The following ANK3 variants were observed in gnomAD, a reference collection of about 807,000 sequenced individuals.
ANK3 encodes the protein ankyrin 3, also known as ankyrin-3.
A neutral mutation model predicts 370.9 loss-of-function variants in ANK3; 57 were observed. The ratio of observed to expected loss-of-function variants is 0.15; its 90% confidence interval spans 0.12 to 0.19. ANK3 has a LOEUF of 0.19. Among genes scored for constraint, ANK3 ranks in the 10% least tolerant of loss-of-function variants. The probability of loss-of-function intolerance (pLI) is 1.00; values close to 1 mark genes in which losing one functional copy is unlikely to be tolerated. For synonymous variants in ANK3, 1,929 were observed against 1,946.3 expected (o/e 0.99, Z 0.23); for missense variants, 4,439 against 5,302.1 (o/e 0.84, Z 5.06).
At chr10:60,044,409 A>G (rs2076617536) in intron 42 of ANK3, 3 of 811,626 alleles carry the variant, frequency 3.7e-6, no homozygotes, top group African/African-American at 3.8e-5. Context: ...ACACTACTCC[A>G]AACACCACAC....
chr10:60,483,346 T>C (rs7910492), intron 2 of ANK3, among the ~76,000 whole-genome samples: 78,517 of 151,998 alleles, frequency 0.52, 20,622 homozygotes, highest in Middle Eastern at 0.58. Context: ...AATGAAAATA[T>C]CTAACACTTC....
At chr10:60,573,316 A>G (rs1399531714) in intron 2 of ANK3, among the ~76,000 whole-genome samples, 4 of 152,052 alleles carry the variant, frequency 2.6e-5, no homozygotes, top group Non-Finnish European at 4.4e-5. Flanking sequence ...CCCATACCCA[A>G]TTTGCCATGA....
chr10:60,300,522 G>A (rs553991440), intron 1 of ANK3: 1 of 1,225,096 alleles, frequency 8.2e-7, no homozygotes, highest in Non-Finnish European at 1.0e-6. Context: ...ATGGAGGGTG[G>A]GCGGGGCAGA....
chr10:60,469,300 T>TAC (rs2065120156), intron 2 of ANK3, among the ~76,000 whole-genome samples: 2 of 147,676 alleles, frequency 1.4e-5, no homozygotes, highest in African/African-American at 2.4e-5. Context: ...TATATATATA[T>TAC]ATATATACCA....
At chr10:60,043,106 A>G in intron 42 of ANK3, 1 of 1,032,312 alleles carries the variant, frequency 9.7e-7, no homozygotes, top group Non-Finnish European at 1.2e-6. Context: ...AATCTGTTGC[A>G]ATGAGATTCA....
chr10:60,177,259 C>G (rs1450681909), intron 18 of ANK3, among the ~76,000 whole-genome samples: 1 of 152,136 alleles, frequency 6.6e-6, no homozygotes, highest in African/African-American at 2.4e-5. Flanking sequence ...CACACTTTTC[C>G]TTGAGGATCA....
chr10:60,285,638 T>C (rs1183060767), intron 1 of ANK3, among the ~76,000 whole-genome samples: 1 of 152,118 alleles, frequency 6.6e-6, no homozygotes, highest in Non-Finnish European at 1.5e-5. Flanking sequence ...GCATGCTCTT[T>C]CTAGGTGACC....
At chr10:60,145,953 A>T in intron 23 of ANK3, 1 of 770,732 alleles carries the variant, frequency 1.3e-6, no homozygotes, top group Non-Finnish European at 2.2e-6. Flanking sequence ...TGGGGCAAAG[A>T]GGAGGGAGAC....
chr10:60,324,221 C>T (rs536719195), intron 1 of ANK3, among the ~76,000 whole-genome samples: 8 of 152,064 alleles, frequency 5.3e-5, no homozygotes, highest in African/African-American at 9.7e-5. Flanking sequence ...ATGTACATGT[C>T]GAGAATATGT....
chr10:60,614,297 G>A (rs552792996), intron 2 of ANK3, among the ~76,000 whole-genome samples: 1 of 152,002 alleles, frequency 6.6e-6, no homozygotes, highest in Non-Finnish European at 1.5e-5. Flanking sequence ...GACATCTTAG[G>A]AAAAAATAAT....
chr10:60,500,828 G>A (rs2075777265), intron 2 of ANK3, among the ~76,000 whole-genome samples: 2 of 152,014 alleles, frequency 1.3e-5, no homozygotes, highest in Admixed American at 1.3e-4. Context: ...TTCCTTCAAG[G>A]CCCAGAATTC....
chr10:60,346,575 A>C lies in ANK3; in HGVS notation c.114+42850T>G, dbSNP rs182033061. Among the ~76,000 whole-genome samples the C allele has an allele frequency of 2.4e-3, 361 of 152,210 alleles. 2 individuals are homozygous for C. In the Middle Eastern group the frequency reaches 0.024, roughly 10 times the overall value. The stretch of plus-strand genomic sequence containing the variant: ...GAATAATAAACCTCCCATGTTAAGG[A>C]ATACAAAGAGAGGTTATCACACATT... On this transcript the variant is annotated intron_variant, in intron 1 of 43. Coordinates refer to ENST00000280772, the MANE Select transcript of ANK3 (RefSeq NM_020987.5).
chr10:60,517,052 C>T (rs921933398), intron 2 of ANK3, among the ~76,000 whole-genome samples: 2 of 151,942 alleles, frequency 1.3e-5, no homozygotes, highest in African/African-American at 4.8e-5. Context: ...TTATCTGACC[C>T]ACTCTGATTC....
chr10:60,263,601 C>A (rs991171600), intron 6 of ANK3, among the ~76,000 whole-genome samples: 3 of 152,162 alleles, frequency 2.0e-5, no homozygotes, highest in Non-Finnish European at 4.4e-5. Context: ...AAATTGATTT[C>A]TTCTGAGGTG....
chr10:60,515,040 G>C (rs2076184068), intron 2 of ANK3, among the ~76,000 whole-genome samples: 1 of 152,036 alleles, frequency 6.6e-6, no homozygotes. Context: ...AAATAAATGT[G>C]AATATGTTGC....
intron 1 of ANK3, among the ~76,000 whole-genome samples, chr10:60,706,671 T>C (rs2079623965): frequency 6.6e-6 from 1 of 152,216 alleles, no homozygotes; most frequent in Admixed American, 6.5e-5. Flanking sequence ...TAGAGTATAG[T>C]AGGGATAATG....
intron 7 of ANK3, among the ~76,000 whole-genome samples, chr10:60,250,985 C>T (rs1038019757): frequency 3.3e-5 from 5 of 152,170 alleles, no homozygotes; most frequent in Non-Finnish European, 7.3e-5. Flanking sequence ...ATGAACTACA[C>T]AGTTTTTTAT....
At chr10:60,059,465 A>T in intron 40 of ANK3, 35 bp from the exon 41 acceptor site, 1 of 1,565,956 alleles carries the variant, frequency 6.4e-7, no homozygotes. Flanking sequence ...CTGCTTGCTG[A>T]ACACGCTTAA....
At chr10:60,219,094 T>C (rs1267660210) in intron 8 of ANK3, among the ~76,000 whole-genome samples, 1 of 151,960 alleles carries the variant, frequency 6.6e-6, no homozygotes, top group Non-Finnish European at 1.5e-5. Context: ...TGTATATGCT[T>C]CATGAAGTTC....
Sources: gnomAD v4.1 joint callset for allele counts (sites outside exome capture counted in the v4.1 genomes callset) on GRCh38, gnomAD v4.1.1 for gene constraint, MANE v1.5 for transcripts, NCBI Gene and HGNC (gene_info 2026-07-23, HGNC 2026-07-21) for gene names.